Variants in PDE4B observed in about 807,000 individuals in gnomAD.
The protein encoded by PDE4B is 3',5'-cyclic-AMP phosphodiesterase 4B.
PDE4B carries 20 observed loss-of-function variants against 82.2 expected under a neutral mutation model. The ratio of observed to expected loss-of-function variants is 0.24; its 90% CI spans 0.17 to 0.35. PDE4B has a LOEUF of 0.35. Among genes scored for constraint, PDE4B ranks in the 10% least tolerant of loss-of-function variants. The probability of loss-of-function intolerance (pLI) is 1.00; values close to 1 mark genes in which losing one functional copy is unlikely to be tolerated. For synonymous variants in PDE4B, 320 were observed against 318.9 expected (o/e 1.00, Z -0.04); for missense variants, 655 against 907.2 (o/e 0.72, Z 3.57).
intron 8 of PDE4B, 39 bp from the exon 9 acceptor site, chr1:66,355,488 T>C (rs761759889): frequency 1.5e-6 from 2 of 1,339,260 alleles, no homozygotes; most frequent in Admixed American, 1.7e-5. Context: ...CATTTGCTCT[T>C]TTTAAAGTGG....
At chr1:66,132,294 T>A (rs1443147456) in intron 3 of PDE4B, among the ~76,000 whole-genome samples, 1 of 152,230 alleles carries the variant, frequency 6.6e-6, no homozygotes, top group Non-Finnish European at 1.5e-5. Flanking sequence ...AGCTTTGTAG[T>A]CTGATAGATC....
chr1:65,983,900 G>A (rs1336362339), intron 3 of PDE4B, among the ~76,000 whole-genome samples: 1 of 152,162 alleles, frequency 6.6e-6, no homozygotes, highest in African/African-American at 2.4e-5. Flanking sequence ...AACGAGTATA[G>A]TTATTTAGGA....
chr1:65,855,940 A>G (rs1376687322), intron 1 of PDE4B, among the ~76,000 whole-genome samples: 1 of 152,064 alleles, frequency 6.6e-6, no homozygotes, highest in African/African-American at 2.4e-5. Flanking sequence ...TCTAGGTCTG[A>G]AAGTGTTTTT....
At chr1:66,270,626 C>T (rs970257363) in intron 7 of PDE4B, among the ~76,000 whole-genome samples, 9 of 152,116 alleles carry the variant, frequency 5.9e-5, no homozygotes, top group Non-Finnish European at 1.3e-4. Context: ...GGAAATGAGG[C>T]CCAGCACAAG....
chr1:66,036,825 C>T (rs558105317), intron 3 of PDE4B, among the ~76,000 whole-genome samples: 11 of 152,078 alleles, frequency 7.2e-5, no homozygotes, highest in East Asian at 3.9e-4. Context: ...TTTATGATTC[C>T]GTACAAATTT....
At chr1:65,997,698 G>A (rs1169851953) in intron 3 of PDE4B, among the ~76,000 whole-genome samples, 1 of 152,146 alleles carries the variant, frequency 6.6e-6, no homozygotes, top group African/African-American at 2.4e-5. Flanking sequence ...CAAAACAGTT[G>A]TTAAGAGCCT....
intron 7 of PDE4B, 144 bp downstream of exon 7, chr1:66,266,231 G>A: frequency 2.9e-6 from 2 of 689,612 alleles, no homozygotes; most frequent in Admixed American, 4.2e-5. Context: ...TTTTTCTAAG[G>A]TACACTGGAG....
At chr1:66,287,067 A>C (rs1656729150) in intron 7 of PDE4B, among the ~76,000 whole-genome samples, 1 of 152,180 alleles carries the variant, frequency 6.6e-6, no homozygotes, top group South Asian at 2.1e-4. Context: ...TTACAGTCCC[A>C]GTCCTCAGAG....
intron 3 of PDE4B, among the ~76,000 whole-genome samples, chr1:66,218,711 T>C (rs1650712199): frequency 6.6e-6 from 1 of 152,138 alleles, no homozygotes; most frequent in Non-Finnish European, 1.5e-5. Flanking sequence ...TGTTAGATCC[T>C]TGTACATATG....
chr1:66,118,489 C>T (rs1338158292), intron 3 of PDE4B, among the ~76,000 whole-genome samples: 2 of 151,562 alleles, frequency 1.3e-5, no homozygotes, highest in African/African-American at 4.9e-5. Context: ...CCAAACACCG[C>T]ATGTTCTCAC....
At chr1:66,188,722 G>T (rs571259826) in intron 3 of PDE4B, among the ~76,000 whole-genome samples, 3 of 151,820 alleles carry the variant, frequency 2.0e-5, no homozygotes, top group African/African-American at 4.8e-5. Context: ...TTGAGCCTAT[G>T]TGTGTCTCTG....
intron 1 of PDE4B, among the ~76,000 whole-genome samples, chr1:65,885,497 G>A (rs931928141): frequency 1.2e-4 from 18 of 152,146 alleles, no homozygotes; most frequent in Non-Finnish European, 2.2e-4. Flanking sequence ...TTAAGAAAAT[G>A]TGGCACATAT....
intron 7 of PDE4B, among the ~76,000 whole-genome samples, chr1:66,300,607 CA>C (rs1480535304): frequency 1.3e-5 from 2 of 152,302 alleles, no homozygotes; most frequent in East Asian, 3.9e-4. Flanking sequence ...CCCAGTCACT[CA>C]CTTATTCATA....
At chr1:65,975,975 C>T (rs1475697056) in intron 3 of PDE4B, among the ~76,000 whole-genome samples, 1 of 152,220 alleles carries the variant, frequency 6.6e-6, no homozygotes. Context: ...GAAGCTCCCA[C>T]ACAGAGTCCC....
At chr1:66,292,099 G>C (rs982678735) in intron 7 of PDE4B, among the ~76,000 whole-genome samples, 3 of 152,240 alleles carry the variant, frequency 2.0e-5, no homozygotes, top group Admixed American at 2.0e-4. Context: ...GATGATTCTT[G>C]TATAAATCGA....
At chr1:65,851,546 AT>A (rs1646333387) in intron 1 of PDE4B, among the ~76,000 whole-genome samples, 1 of 152,096 alleles carries the variant, frequency 6.6e-6, no homozygotes, top group South Asian at 2.1e-4. Flanking sequence ...ACACATATAA[AT>A]TGTTAAATTT....
intron 3 of PDE4B, among the ~76,000 whole-genome samples, chr1:66,141,579 G>A (rs1424396560): frequency 1.3e-5 from 2 of 151,848 alleles, no homozygotes; most frequent in African/African-American, 4.8e-5. Context: ...AGAGTGAGGA[G>A]TAGTCTCAGA....
chr1:66,354,781 T>G (rs1237669182), intron 8 of PDE4B: 11 of 1,533,118 alleles, frequency 7.2e-6, no homozygotes, highest in African/African-American at 1.4e-5. Context: ...CTTTCGGGAT[T>G]GCTCTCTCAG....
At chr1:66,362,477 G>T (rs557926224) in intron 10 of PDE4B, among the ~76,000 whole-genome samples, 26 of 152,224 alleles carry the variant, frequency 1.7e-4, no homozygotes, top group Middle Eastern at 6.8e-3. Context: ...ATTAGAGGAA[G>T]GTTGATTAAA....
Sources: gnomAD v4.1 joint callset for allele counts (sites outside exome capture counted in the v4.1 genomes callset) on GRCh38, gnomAD v4.1.1 for gene constraint, MANE v1.5 for transcripts, NCBI Gene and HGNC (gene_info 2026-07-23, HGNC 2026-07-21) for gene names.